GATB: variants seen among roughly 807,000 people sequenced by gnomAD.
The protein encoded by GATB is glutamyl-tRNA(Gln) amidotransferase subunit B, mitochondrial.
In GATB, 39 loss-of-function variants were observed where a neutral mutation model predicts 62.3. The observed-to-expected ratio is 0.63, with a 90% CI of 0.48 to 0.82. The LOEUF is 0.82. GATB is among the 40% of genes least tolerant of loss of function. The pLI is 0.00. For synonymous variants in GATB, 276 were observed against 258.9 expected (o/e 1.07, Z -0.63); for missense variants, 670 against 684.0 (o/e 0.98, Z 0.23).
At chr4:151,750,924 G>C (rs1739709813) in intron 2 of GATB, among the ~76,000 whole-genome samples, 1 of 151,740 alleles carries the variant, frequency 6.6e-6, no homozygotes, top group Non-Finnish European at 1.5e-5. Context: ...ACGAGCCACT[G>C]TGCCTAGCTG....
chr4:151,718,216 C>G (rs890684983), intron 3 of GATB, among the ~76,000 whole-genome samples: 1 of 152,154 alleles, frequency 6.6e-6, no homozygotes, highest in African/African-American at 2.4e-5. Flanking sequence ...CTTTGAGAAT[C>G]CTGCAAAAGG....
chr4:151,677,132 A>G (rs1738024434), intron 11 of GATB, among the ~76,000 whole-genome samples: 1 of 152,224 alleles, frequency 6.6e-6, no homozygotes, highest in African/African-American at 2.4e-5. Context: ...GCCAGAGGCA[A>G]CACCAATAAC....
intron 2 of GATB, among the ~76,000 whole-genome samples, chr4:151,739,007 G>A (rs906282934): frequency 6.6e-6 from 1 of 152,230 alleles, no homozygotes; most frequent in Non-Finnish European, 1.5e-5. Flanking sequence ...TGGCCTATGA[G>A]TTGGCAAATA....
intron 11 of GATB, chr4:151,673,662 T>C (rs7439465): frequency 0.6 from 90,861 of 152,030 alleles, 29,524 homozygotes; most frequent in African/African-American, 0.87. Context: ...AATCCCCAAA[T>C]TCATCAAACC....
intron 10 of GATB, among the ~76,000 whole-genome samples, chr4:151,681,768 G>A (rs575802246): frequency 6.6e-6 from 1 of 152,316 alleles, no homozygotes; most frequent in Non-Finnish European, 1.5e-5. Flanking sequence ...AGATAAAGGC[G>A]CTGGCAGATT....
rs532369396 is a variant in GATB at position 151,704,063 on chromosome 4, G to A, written c.963-168C>T. Reference sequence around the variant, plus strand: ...TTCAAAAAACAATCATAAAGAAAGCGAAATGTACAGAATGATCTTTTTTTT... The same window carrying A: ...TTCAAAAAACAATCATAAAGAAAGCAAAATGTACAGAATGATCTTTTTTTT... On this transcript the variant is annotated intron_variant, in intron 7 of 12. Transcript: ENST00000263985. Among the ~76,000 whole-genome samples the A allele has an allele frequency of 7.7e-4, 116 of 151,216 alleles. 2 individuals carry two copies. Among genetic ancestry groups the A allele is most frequent in the Non-Finnish European group, 1.2e-3 (84 of 67,794 alleles).
intron 5 of GATB, among the ~76,000 whole-genome samples, chr4:151,712,857 A>G (rs1738845325): frequency 6.6e-6 from 1 of 152,242 alleles, no homozygotes; most frequent in African/African-American, 2.4e-5. Flanking sequence ...ATTGTAATAT[A>G]GCTTTAGTCA....
chr4:151,721,826 C>A (rs1044676418), intron 2 of GATB: 1 of 214,956 alleles, frequency 4.7e-6, no homozygotes, highest in Non-Finnish European at 9.0e-6. Flanking sequence ...ACCATAGCCT[C>A]CCTGTGGGAG....
intron 5 of GATB, among the ~76,000 whole-genome samples, chr4:151,711,380 AC>A (rs1364744591): frequency 6.6e-6 from 1 of 152,012 alleles, no homozygotes; most frequent in Non-Finnish European, 1.5e-5. Context: ...TCTCTGATCT[AC>A]CCCTTGCCTG....
Position 151,672,707 on chromosome 4 carries a change from T to C in GATB, c.1545+55A>G. 13 of 1,584,980 alleles carry C rather than the reference T, an allele frequency of 8.2e-6. No homozygotes were observed. The South Asian group carries it at 1.5e-4, about 18-fold the overall frequency. The stretch of plus-strand genomic sequence containing the variant: ...CTGCCACAGGGAGCGATGGCGAGGC[T>C]CTTGGGCATGTCCTGGGGCTGGCTC... On this transcript the variant is annotated intron_variant, in intron 12 of 12. Transcript: ENST00000263985.
chr4:151,755,222 A>T (rs1248663925), intron 2 of GATB, among the ~76,000 whole-genome samples: 3 of 152,220 alleles, frequency 2.0e-5, no homozygotes, highest in Non-Finnish European at 4.4e-5. Context: ...AACTGATGCA[A>T]AGAAGATTAA....
intron 2 of GATB, among the ~76,000 whole-genome samples, chr4:151,750,570 TAAC>T (rs756539813): frequency 2.9e-4 from 44 of 152,152 alleles, no homozygotes; most frequent in Non-Finnish European, 6.3e-4. Flanking sequence ...GATAAGAGAA[TAAC>T]AATATGAGAC....
intron 5 of GATB, among the ~76,000 whole-genome samples, chr4:151,713,793 G>A (rs1050801881): frequency 2.0e-5 from 3 of 152,122 alleles, no homozygotes; most frequent in South Asian, 2.1e-4. Context: ...GAAGTGGTAC[G>A]AAGCTGTGCT....
In GATB at chr4:151,671,748, C is replaced by T. The variant is rs150140445; in HGVS notation, c.1546-446G>A. On this transcript the variant is annotated intron_variant, in intron 12 of 12. Coordinates refer to ENST00000263985, the MANE Select transcript of GATB (RefSeq NM_004564.3). ...CCCCCTGCTCCCCACCAAGAAGATTCCTTTATCAGAAAGCAGATCTACACA... is the reference window on the plus strand; with the variant it reads ...CCCCCTGCTCCCCACCAAGAAGATTTCTTTATCAGAAAGCAGATCTACACA... Among the ~76,000 whole-genome samples the T allele has an allele frequency of 8.3e-4, 112 of 134,878 alleles. 1 individual carries two copies. Among genetic ancestry groups the T allele is most frequent in the African/African-American group, 3.0e-3 (110 of 36,314 alleles). The allele number at this position is 134,878 out of a possible 152,430, so 88.5% of individuals were successfully genotyped here. A position where few individuals can be genotyped will look rare whatever the true frequency, so the allele number is the denominator to read the frequency against.
At chr4:151,738,839 T>C (rs150175827) in intron 2 of GATB, among the ~76,000 whole-genome samples, 2 of 152,242 alleles carry the variant, frequency 1.3e-5, no homozygotes, top group East Asian at 1.9e-4. Flanking sequence ...CAGCAGCGAG[T>C]GTAATCTGGT....
chr4:151,702,524 G>A (rs1738626758), intron 8 of GATB, among the ~76,000 whole-genome samples: 1 of 152,130 alleles, frequency 6.6e-6, no homozygotes, highest in Non-Finnish European at 1.5e-5. Context: ...AGTGTGATTG[G>A]TTTCATCATT....
intron 12 of GATB, 95 bp downstream of exon 12, chr4:151,672,667 G>A (rs1051321790): frequency 1.5e-6 from 2 of 1,349,076 alleles, no homozygotes; most frequent in African/African-American, 1.5e-5. Context: ...GCCATTCTTA[G>A]GAAGAGCCTC....
At position 151,696,563 on chromosome 4, in the gene GATB, C is replaced by A. The variant is rs564082135; in HGVS notation, c.1197+4766G>T. 5.4e-4 allele frequency among the ~76,000 whole-genome samples: 83 copies of A among 152,314 alleles called. 1 individual carries two copies. The South Asian group carries it at 9.7e-3, about 18-fold the overall frequency. On this transcript the variant is annotated intron_variant, in intron 9 of 12. Coordinates refer to ENST00000263985, the MANE Select transcript of GATB (RefSeq NM_004564.3). ...GCATGATCTGAATGTGGCTCCAATACGGGCTTGGGGAAGTTATTGAACCAA... is the reference window on the plus strand; with the variant it reads ...GCATGATCTGAATGTGGCTCCAATAAGGGCTTGGGGAAGTTATTGAACCAA...
intron 8 of GATB, among the ~76,000 whole-genome samples, chr4:151,702,933 G>A (rs1308041212): frequency 2.0e-5 from 3 of 152,166 alleles, no homozygotes; most frequent in African/African-American, 4.8e-5. Flanking sequence ...AAACCCAGGG[G>A]AAGCTTCCTG....
Sources: gnomAD v4.1 joint callset for allele counts (sites outside exome capture counted in the v4.1 genomes callset) on GRCh38, gnomAD v4.1.1 for gene constraint, MANE v1.5 for transcripts, NCBI Gene and HGNC (gene_info 2026-07-23, HGNC 2026-07-21) for gene names.